The following ZFHX3 variants were observed in gnomAD, a reference collection of about 807,000 sequenced individuals.
ZFHX3 encodes zinc finger homeobox 3.
ZFHX3 carries 42 observed loss-of-function variants against 279.1 expected under a neutral mutation model. The ratio of observed to expected loss-of-function variants is 0.15; its 90% CI spans 0.12 to 0.19. The LOEUF is 0.19. Ranked by LOEUF, ZFHX3 falls within the 10% of genes least tolerant of loss-of-function variation. The pLI is 1.00. For synonymous variants in ZFHX3, 2,293 were observed against 1,957.8 expected, an observed-to-expected ratio of 1.17 and a Z score of -4.52; for missense variants, 4,981 against 4,754.0, an observed-to-expected ratio of 1.05 and a Z score of -1.40.
rs183175256 is a variant in ZFHX3, at chr16:73,708,904, G to A, written c.-1607-28664C>T. On this transcript the variant is annotated intron_variant, in intron 1 of 17. Transcript: ENST00000641206. ...ATAACAAAGTCTGCCTGGACATGGC[G>A]CTCACTTTCCGTCTCCTCTCCCATG... Among the ~76,000 whole-genome samples, 30 of 152,280 alleles carry A rather than the reference G, an allele frequency of 2.0e-4. No individual in the cohort carries two copies. The East Asian group carries it at 3.7e-3, about 19-fold the overall frequency.
At chr16:73,183,529 CTGAG>C (rs752470536) in intron 5 of ZFHX3, among the ~76,000 whole-genome samples, 2 of 152,216 alleles carry the variant, frequency 1.3e-5, no homozygotes, top group Non-Finnish European at 2.9e-5. Flanking sequence ...TGTTCCCTGT[CTGAG>C]TGACTGAACT....
rs1019249118 is a variant in ZFHX3, at chr16:73,876,772, A to G, written c.-1608+14879T>C. Among the ~76,000 whole-genome samples the G allele has an allele frequency of 5.3e-5, 8 of 152,180 alleles. 1 individual carries two copies. The highest frequency in any genetic ancestry group is 1.5e-5 in the Non-Finnish European group (1 of 68,030). ...TTTCTCTTACTTTTCTTAACCATGT[A>G]AAACAACCCCCTAGAAGAGGTCTAG... On this transcript the variant is annotated intron_variant, in intron 1 of 17. Transcript: ENST00000641206.
intron 7 of ZFHX3, among the ~76,000 whole-genome samples, chr16:73,100,862 G>A (rs1788046538): frequency 6.6e-6 from 1 of 152,108 alleles, no homozygotes; most frequent in African/African-American, 2.4e-5. Flanking sequence ...CTCCCAATGT[G>A]CTGAGATTAC....
At chr16:73,087,646 G>A (rs1231324089) in intron 8 of ZFHX3, among the ~76,000 whole-genome samples, 2 of 152,158 alleles carry the variant, frequency 1.3e-5, no homozygotes. Flanking sequence ...ACTGGCATTT[G>A]TGCATCTTTT....
intron 4 of ZFHX3, among the ~76,000 whole-genome samples, chr16:72,872,048 G>A (rs1317540243): frequency 3.3e-5 from 5 of 151,712 alleles, no homozygotes; most frequent in Admixed American, 6.6e-5. Context: ...TCCTGCCACC[G>A]CACTTGCACT....
At chr16:73,004,686 C>T (rs1254174137) in intron 1 of ZFHX3, among the ~76,000 whole-genome samples, 1 of 152,158 alleles carries the variant, frequency 6.6e-6, no homozygotes, top group Non-Finnish European at 1.5e-5. Flanking sequence ...GCTCTAAACA[C>T]CTTTTCACAG....
chr16:73,735,005 C>A (rs957252129), intron 1 of ZFHX3, among the ~76,000 whole-genome samples: 1 of 152,068 alleles, frequency 6.6e-6, no homozygotes, highest in Non-Finnish European at 1.5e-5. Flanking sequence ...ACCAATACAA[C>A]AGACAACTTG....
At chr16:72,946,543 C>A (rs1304628941) in intron 3 of ZFHX3, among the ~76,000 whole-genome samples, 1 of 152,172 alleles carries the variant, frequency 6.6e-6, no homozygotes, top group Non-Finnish European at 1.5e-5. Flanking sequence ...TGGGAGTGTG[C>A]ACTGATTTCC....
intron 2 of ZFHX3, among the ~76,000 whole-genome samples, chr16:73,524,209 C>A (rs890962185): frequency 3.5e-4 from 54 of 152,184 alleles, no homozygotes; most frequent in African/African-American, 1.2e-3. Flanking sequence ...ACAGGCAACA[C>A]TGGCCATTTT....
chr16:73,804,515 G>C (rs1960221626), intron 1 of ZFHX3, among the ~76,000 whole-genome samples: 2 of 152,058 alleles, frequency 1.3e-5, no homozygotes, highest in African/African-American at 4.8e-5. Flanking sequence ...GTAATTTCAG[G>C]GGCCAAGGAA....
At chr16:73,830,151 G>A (rs375503295) in intron 1 of ZFHX3, among the ~76,000 whole-genome samples, 2,054 of 131,354 alleles carry the variant, frequency 0.016, 42 homozygotes, top group African/African-American at 0.051. Flanking sequence ...ATATTCGGGT[G>A]GGAGTGACCC....
intron 2 of ZFHX3, among the ~76,000 whole-genome samples, chr16:73,612,880 G>T (rs1159046134): frequency 6.6e-6 from 1 of 152,042 alleles, no homozygotes; most frequent in African/African-American, 2.4e-5. Flanking sequence ...AGAAAAAAAT[G>T]ATTTCGATGA....
At chr16:72,815,781 T>C (rs1010494814) in intron 5 of ZFHX3, among the ~76,000 whole-genome samples, 5 of 152,238 alleles carry the variant, frequency 3.3e-5, no homozygotes, top group Admixed American at 6.5e-5. Context: ...AGACAAGACA[T>C]AGTTTAGACA....
intron 1 of ZFHX3, among the ~76,000 whole-genome samples, chr16:73,690,976 G>C (rs567487225): frequency 6.6e-6 from 1 of 152,166 alleles, no homozygotes; most frequent in South Asian, 2.1e-4. Flanking sequence ...ACAGATAAGA[G>C]ACACACAGAC....
At chr16:73,716,761 G>A (rs1370354134) in intron 1 of ZFHX3, among the ~76,000 whole-genome samples, 3 of 151,882 alleles carry the variant, frequency 2.0e-5, no homozygotes, top group African/African-American at 4.8e-5. Flanking sequence ...GCATTTGTTC[G>A]GCTCCTTTGG....
At chr16:73,323,000 T>A (rs1355142688) in intron 3 of ZFHX3, among the ~76,000 whole-genome samples, 4 of 152,222 alleles carry the variant, frequency 2.6e-5, no homozygotes, top group Non-Finnish European at 4.4e-5. Context: ...GCTTTTTCCT[T>A]ACAACGTTGG....
intron 4 of ZFHX3, among the ~76,000 whole-genome samples, chr16:72,838,136 G>A (rs558158812): frequency 6.9e-6 from 1 of 144,450 alleles, no homozygotes; most frequent in South Asian, 2.1e-4. Flanking sequence ...CCCTGACCCC[G>A]TTCCTGTCCC....
At chr16:73,859,476 A>T (rs182903613) in intron 1 of ZFHX3, among the ~76,000 whole-genome samples, 28 of 152,292 alleles carry the variant, frequency 1.8e-4, no homozygotes, top group Non-Finnish European at 2.9e-5. Context: ...GTAGATCATT[A>T]ACTGGGTGTA....
chr16:73,357,924 A>C (rs1335315879), intron 3 of ZFHX3, among the ~76,000 whole-genome samples: 1 of 152,116 alleles, frequency 6.6e-6, no homozygotes, highest in Non-Finnish European at 1.5e-5. Flanking sequence ...AGGAGAAGGA[A>C]AGGTACCCTG....
Sources: allele counts gnomAD v4.1 joint callset (sites outside exome capture counted in the v4.1 genomes callset), GRCh38; gene constraint gnomAD v4.1.1; transcripts MANE v1.5; gene names NCBI Gene and HGNC (gene_info 2026-07-23, HGNC 2026-07-21).